The following KIF4A variants were observed in gnomAD, a reference collection of about 807,000 sequenced individuals.
KIF4A encodes kinesin family member 4A, also known as chromosome-associated kinesin KIF4A.
In KIF4A, 7 loss-of-function variants were observed where a neutral mutation model predicts 105.9. The ratio of observed to expected loss-of-function variants is 0.07; its 90% CI spans 0.04 to 0.12. The LOEUF is 0.12. Among genes scored for constraint, KIF4A ranks in the 10% least tolerant of loss-of-function variants. The probability of loss-of-function intolerance (pLI) is 1.00; values close to 1 mark genes in which losing one functional copy is unlikely to be tolerated. For missense variants in KIF4A, 558 were observed against 929.2 expected, an observed-to-expected ratio of 0.60 and a Z score of 5.19; for synonymous variants, 281 against 331.3, an observed-to-expected ratio of 0.85 and a Z score of 1.65.
rs186197722 is a variant in KIF4A, at chrX:70,334,420, G to C, written c.1133+731G>C. The stretch of plus-strand genomic sequence containing the variant: ...CTCTGATACCATTCCAATGTGACAG[G>C]GTTCATTTTGGCTTTCCCCCTTTCC... On this transcript the variant is annotated intron_variant, in intron 10 of 30. Coordinates refer to ENST00000374403, the MANE Select transcript of KIF4A (RefSeq NM_012310.5). 4.2e-3 allele frequency among the ~76,000 whole-genome samples: 465 copies of C among 111,631 alleles called. 2 individuals carry two copies. The highest frequency in any genetic ancestry group is 0.019 in the Middle Eastern group (4 of 216).
At chrX:70,366,406 T>C (rs1444781074) in intron 15 of KIF4A, among the ~76,000 whole-genome samples, 1 of 112,171 alleles carries the variant, frequency 8.9e-6, no homozygotes, top group Non-Finnish European at 1.9e-5. Context: ...AATTTCCCTC[T>C]ACACACTGCT....
Position 70,304,881 on chromosome X carries a change from T to G in KIF4A, c.778+2483T>G, listed in dbSNP as rs906000519. 3.6e-5 allele frequency among the ~76,000 whole-genome samples: 4 copies of G among 110,880 alleles called. No individual in the cohort carries two copies. In the Admixed American group the frequency reaches 3.8e-4, roughly 11 times the overall value. On this transcript the variant is annotated intron_variant, in intron 7 of 30. Coordinates refer to ENST00000374403, the MANE Select transcript of KIF4A (RefSeq NM_012310.5). Reference sequence around the variant, plus strand: ...TTCACCATGTTGGCCAGGCTGGTCTTGAACTCCTGACCTCAAGTGATCCAC... The same window carrying G: ...TTCACCATGTTGGCCAGGCTGGTCTGGAACTCCTGACCTCAAGTGATCCAC...
chrX:70,374,185 A>G lies in KIF4A; in HGVS notation c.1709A>G (p.Asn570Ser). The G allele has an allele frequency of 5.0e-6, 6 of 1,201,658 alleles. No homozygotes were observed. The highest frequency in any genetic ancestry group is 2.2e-5 in the Admixed American group (1 of 45,868). ...AAAGAGCTAGAATTAGAAGTCATCA[A>G]TCTGCAAAAGGAAAAGGAAGAATTG... ...NIKELELEVI[N>S]LQKEKEELVL... The change falls in exon 16 of 31, where the codon AAT becomes AGT. Residue 570 changes from asparagine to serine, a missense_variant. Physicochemically the swap from Asn to Ser is conservative, Grantham distance 46. Around this residue, in one of 2 missense-constraint regions of KIF4A, gnomAD observed 469 missense variants for 680.4 expected, o/e 0.69. Coordinates refer to ENST00000374403, the MANE Select transcript of KIF4A (RefSeq NM_012310.5).
At chrX:70,367,072 C>A (rs1203844690) in intron 15 of KIF4A, among the ~76,000 whole-genome samples, 7 of 111,391 alleles carry the variant, frequency 6.3e-5, no homozygotes, top group Non-Finnish European at 1.3e-4. Context: ...AGGATTCCAA[C>A]CCTTGCCTTT....
intron 15 of KIF4A, among the ~76,000 whole-genome samples, chrX:70,367,674 G>T (rs1403929594): frequency 5.4e-5 from 6 of 111,589 alleles, no homozygotes; most frequent in African/African-American, 1.6e-4. Context: ...CTCTCTGGCT[G>T]CCCTTAACAT....
chrX:70,374,143 C>G lies in KIF4A; in HGVS notation c.1675-8C>G, dbSNP rs761019858. 6.4e-6 allele frequency: 7 copies of G among 1,095,924 alleles called. No homozygotes were observed. In the East Asian group the frequency reaches 1.8e-4, roughly 28 times the overall value. The allele number at this position is 1,095,924 out of a possible 1,213,427, so 90.3% of individuals were successfully genotyped here. On this transcript the variant is annotated splice_region_variant and splice_polypyrimidine_tract_variant and intron_variant, in intron 15 of 30. Transcript: ENST00000374403. ...GTCTTCTTTCTCTTTGACCTATAAC[C>G]TTTCTAGGATAACATAAAAGAGCTA...
At position 70,399,590 on chromosome X, in the gene KIF4A, G is replaced by C. The variant is rs928262619; in HGVS notation, c.2490-2976G>C. On this transcript the variant is annotated intron_variant, in intron 22 of 30. Transcript: ENST00000374403. ...TTGTCCAAATGGCACTTTATAGAATGATGTATTCGTAAATGAGCCATTCAG... is the reference window on the plus strand; with the variant it reads ...TTGTCCAAATGGCACTTTATAGAATCATGTATTCGTAAATGAGCCATTCAG... Among the ~76,000 whole-genome samples, 10 of 109,941 alleles carry C rather than the reference G, an allele frequency of 9.1e-5. No individual in the cohort carries two copies. The Admixed American group carries it at 9.8e-4, about 11-fold the overall frequency.
At chrX:70,339,034 A>G (rs183928827) in intron 10 of KIF4A, among the ~76,000 whole-genome samples, 1,888 of 105,805 alleles carry the variant, frequency 0.018, 21 homozygotes, top group Non-Finnish European at 0.028. Flanking sequence ...GCAGCGAGCC[A>G]AGACCACGCC....
rs189824933 is a variant in KIF4A, at chrX:70,395,823, C to T, written c.2385C>T (p.Leu795=). Residue 795 remains leucine (L), a synonymous_variant, in exon 21 of 31, where the codon CTC becomes CTT. Transcript: ENST00000374403. ...KESGENPPPK[L]RRRTFSLTEV... ...CTGGGGAGAATCCACCTCCTAAACT[C>T]CGGGTAAGTACGCTTATGAAAAAAT... The T allele has an allele frequency of 1.2e-4, 142 of 1,209,531 alleles. 1 individual carries two copies. The Middle Eastern group carries it at 3.2e-3, about 27-fold the overall frequency.
At chrX:70,406,012 G>C (rs1206844381) in intron 26 of KIF4A, 107 bp downstream of exon 26, 17 of 613,675 alleles carry the variant, frequency 2.8e-5, no homozygotes, top group Non-Finnish European at 4.3e-5. Context: ...TATTTCATGA[G>C]GTCTACATTT....
At chrX:70,313,779 A>G (rs758098579) in intron 7 of KIF4A, among the ~76,000 whole-genome samples, 18 of 112,481 alleles carry the variant, frequency 1.6e-4, no homozygotes, top group African/African-American at 5.2e-4. Context: ...AGCCTATTCA[A>G]AGACTTTTAG....
chrX:70,293,077 T>C (rs1416117452), intron 3 of KIF4A, among the ~76,000 whole-genome samples: 1 of 111,996 alleles, frequency 8.9e-6, no homozygotes, highest in Non-Finnish European at 1.9e-5. Context: ...TTGCAGAAAA[T>C]TATGGAATGT....
chrX:70,302,374 G>T lies in KIF4A; in HGVS notation c.754G>T (p.Ala252Ser). ...AGSERQKKTK[A>S]EGDRLKEGIN... is the part of the protein sequence containing the mutation. ...ATCAGAAAGACAGAAGAAAACCAAG[G>T]CTGAAGGGGATCGTCTAAAAGAGGG... The change falls in exon 7 of 31, where the codon GCT (alanine) becomes TCT (serine). Residue 252 changes from alanine to serine, a missense_variant. Around this residue, in one of 2 missense-constraint regions of KIF4A, gnomAD observed 89 missense variants for 248.8 expected, o/e 0.36. Transcript: ENST00000374403. 1.7e-6 allele frequency: 2 copies of T among 1,211,664 alleles called. No homozygotes were observed. Among genetic ancestry groups the T allele is most frequent in the Non-Finnish European group, 2.2e-6 (2 of 895,390 alleles).
Position 70,365,356 on chromosome X carries a change from T to C in KIF4A, c.1675-8795T>C, listed in dbSNP as rs763477798. 8.8e-3 allele frequency among the ~76,000 whole-genome samples: 978 copies of C among 111,710 alleles called. 4 individuals carry two copies. Among genetic ancestry groups the C allele is most frequent in the Non-Finnish European group, 0.015 (800 of 53,153 alleles). ...GGGAATGCTTCCAGTTTTTGCCCAT[T>C]CAGTATGATATTGGCTGTGGGTTTG... On this transcript the variant is annotated intron_variant, in intron 15 of 30. Coordinates refer to ENST00000374403, the MANE Select transcript of KIF4A (RefSeq NM_012310.5).
chrX:70,410,420 TAGAAGCC>T (rs748087339), intron 28 of KIF4A, among the ~76,000 whole-genome samples: 30 of 111,879 alleles, frequency 2.7e-4, no homozygotes, highest in Admixed American at 8.6e-4. Context: ...AGTAGTAACC[TAGAAGCC>T]AGATAGACAT....
intron 4 of KIF4A, among the ~76,000 whole-genome samples, chrX:70,298,774 C>A (rs948310987): frequency 8.9e-6 from 1 of 112,205 alleles, no homozygotes; most frequent in East Asian, 2.8e-4. Flanking sequence ...CACATTTTAA[C>A]AAAATGGGTG....
chrX:70,297,337 G>T (rs1602737478), intron 4 of KIF4A, 149 bp downstream of exon 4: 3 of 502,872 alleles, frequency 6.0e-6, no homozygotes, highest in East Asian at 7.3e-5. Flanking sequence ...AGTTGGATCC[G>T]GCTCCCACCC....
chrX:70,404,186 C>T (rs1409916353), intron 24 of KIF4A, 152 bp downstream of exon 24: 10 of 554,417 alleles, frequency 1.8e-5, no homozygotes, highest in East Asian at 3.7e-5. Flanking sequence ...GAAGCAGAGA[C>T]GTGACTTGTC....
intron 5 of KIF4A, 112 bp downstream of exon 5, chrX:70,299,314 C>G: frequency 3.5e-6 from 2 of 572,093 alleles, no homozygotes; most frequent in Non-Finnish European, 5.3e-6. Context: ...TCATCTCAGT[C>G]AGGTTTTCTG....
Sources: gnomAD v4.1 joint callset for allele counts (sites outside exome capture counted in the v4.1 genomes callset) on GRCh38, gnomAD v4.1.1 for gene constraint, gnomAD v4.1.1 regional missense constraint, MANE v1.5 for transcripts, NCBI Gene and HGNC (gene_info 2026-07-23, HGNC 2026-07-21) for gene names.